The following HAUS7 variants were observed in gnomAD, a reference collection of about 807,000 sequenced individuals.
HAUS7 encodes the protein HAUS augmin-like complex subunit 7.
Under a neutral mutation model 28.4 loss-of-function variants are expected in HAUS7, and 3 were observed. That is an observed-to-expected ratio of 0.11 (90% CI 0.05 to 0.27). The LOEUF (loss-of-function observed/expected upper bound fraction) is 0.27, where lower values mean the gene tolerates loss of function less well. HAUS7 is among the 10% of genes least tolerant of loss of function. HAUS7 has a pLI of 1.00. For missense variants in HAUS7, 284 were observed against 297.3 expected, an observed-to-expected ratio of 0.96 and a Z score of 0.33; for synonymous variants, 165 against 132.1, an observed-to-expected ratio of 1.25 and a Z score of -1.71.
intron 5 of HAUS7, 78 bp from the exon 6 acceptor site, chrX:153,456,729 G>T: frequency 1.2e-6 from 1 of 814,375 alleles, no homozygotes; most frequent in Non-Finnish European, 1.8e-6. Context: ...CACAGGGAAG[G>T]CCCCAGAAGC....
At chrX:153,486,851 G>C in intron 1 of HAUS7, 6 of 951,977 alleles carry the variant, frequency 6.3e-6, no homozygotes, top group Non-Finnish European at 8.2e-6. Flanking sequence ...TCTGCTTCTC[G>C]AGGGGGTGGA....
intron 1 of HAUS7, among the ~76,000 whole-genome samples, chrX:153,483,825 C>A (rs782633707): frequency 8.9e-6 from 1 of 112,073 alleles, no homozygotes; most frequent in Non-Finnish European, 1.9e-5. Flanking sequence ...GTGCCACGGG[C>A]CTGGATGGAG....
At chrX:153,449,196 A>G (rs1214028557) in intron 9 of HAUS7, among the ~76,000 whole-genome samples, 10 of 111,991 alleles carry the variant, frequency 8.9e-5, no homozygotes, top group Non-Finnish European at 1.9e-4. Context: ...ACTGTCAGCT[A>G]GACTTTGCCT....
At chrX:153,457,916 G>A (rs2089336551) in intron 4 of HAUS7, among the ~76,000 whole-genome samples, 1 of 113,370 alleles carries the variant, frequency 8.8e-6, no homozygotes, top group South Asian at 3.5e-4. Flanking sequence ...CCCCAGCCAG[G>A]CCTACTTCTT....
chrX:153,479,577 C>T (rs2089585318), intron 1 of HAUS7, among the ~76,000 whole-genome samples: 1 of 112,334 alleles, frequency 8.9e-6, no homozygotes, highest in African/African-American at 3.2e-5. Context: ...TACAGTGAGG[C>T]TGAGAGCGGG....
At chrX:153,486,528 CT>C in intron 1 of HAUS7, 1 of 662,460 alleles carries the variant, frequency 1.5e-6, no homozygotes, top group East Asian at 8.4e-5. Flanking sequence ...CTCGGTCTTA[CT>C]GCTTCTCTCA....
intron 1 of HAUS7, chrX:153,481,290 G>A (rs1312912068): frequency 7.1e-6 from 5 of 703,482 alleles, no homozygotes; most frequent in Non-Finnish European, 8.1e-6. Flanking sequence ...TGGGAGCCTC[G>A]GGCAAGCCCC....
At chrX:153,449,971 AG>A (rs1222312827) in intron 9 of HAUS7, among the ~76,000 whole-genome samples, 8 of 112,141 alleles carry the variant, frequency 7.1e-5, no homozygotes, top group African/African-American at 2.6e-4. Context: ...GAGTGTATTC[AG>A]TGGTGTCGGA....
intron 1 of HAUS7, chrX:153,482,193 T>C (rs1428341657): frequency 2.1e-6 from 1 of 480,534 alleles, no homozygotes; most frequent in Non-Finnish European, 2.6e-6. Context: ...CTGGATTCAG[T>C]GGGAACTAGG....
chrX:153,471,036 G>T, upstream of HAUS7: 1 of 326,431 alleles, frequency 3.1e-6, no homozygotes, highest in South Asian at 2.6e-5. Flanking sequence ...CCACTAAGGG[G>T]CACCCTGGTT....
chrX:153,492,137 C>T (rs377007256), intron 1 of HAUS7, among the ~76,000 whole-genome samples: 1 of 113,064 alleles, frequency 8.8e-6, no homozygotes, highest in South Asian at 3.6e-4. Context: ...TTGCGCCCCC[C>T]GTGCCTGCCT....
chrX:153,490,846 C>A (rs782357105), intron 1 of HAUS7, among the ~76,000 whole-genome samples: 2 of 112,531 alleles, frequency 1.8e-5, no homozygotes, highest in South Asian at 7.4e-4. Context: ...CCCTGCCCCC[C>A]AGTCTTGTAC....
intron 9 of HAUS7, among the ~76,000 whole-genome samples, chrX:153,453,877 T>C (rs1047009168): frequency 6.5e-5 from 7 of 108,145 alleles, no homozygotes; most frequent in Non-Finnish European, 7.7e-5. Context: ...TGGAGTACTG[T>C]GGCGTGACCT....
chrX:153,455,446 G>T (rs782635127), intron 8 of HAUS7, 96 bp downstream of exon 8: 4 of 568,352 alleles, frequency 7.0e-6, no homozygotes, highest in Non-Finnish European at 1.2e-5. Flanking sequence ...CCTTGTCAGG[G>T]GCTGCTGAGG....
At position 153,477,920 on chromosome X, in the gene HAUS7, C is replaced by G. The variant is rs566853459; in HGVS notation, c.-588-6775G>C. On this transcript the variant is annotated intron_variant, in intron 1 of 5. Transcript: ENST00000370210. ...CCCAGTGAAGACCCAGTTGCCAGGC[C>G]TCCTCCCCACCTTGACCAGCCCTGC... is the stretch of plus-strand genomic sequence containing the variant. Among the ~76,000 whole-genome samples the G allele has an allele frequency of 1.8e-4, 20 of 112,194 alleles. No individual in the cohort carries two copies. In the South Asian group the frequency reaches 6.3e-3, roughly 35 times the overall value.
At chrX:153,448,019 T>G (rs35828792) in intron 9 of HAUS7, 110 bp from the exon 10 acceptor site, 3 of 597,387 alleles carry the variant, frequency 5.0e-6, no homozygotes, top group Admixed American at 4.9e-5. Flanking sequence ...GAAATACCAT[T>G]TGACCCAGCC....
upstream of HAUS7, among the ~76,000 whole-genome samples, chrX:153,475,276 G>A (rs936167167): frequency 2.1e-4 from 24 of 112,007 alleles, no homozygotes; most frequent in African/African-American, 7.8e-4. Context: ...GCTGGTCCCT[G>A]CTGCGTGCCA....
chrX:153,464,776 C>A (rs1300947252), intron 3 of HAUS7, among the ~76,000 whole-genome samples: 4 of 112,208 alleles, frequency 3.6e-5, no homozygotes, highest in Non-Finnish European at 5.6e-5. Context: ...CTGTCTCTGG[C>A]CACCAGCGCT....
intron 1 of HAUS7, among the ~76,000 whole-genome samples, chrX:153,469,472 C>T (rs964824060): frequency 1.8e-5 from 2 of 112,430 alleles, no homozygotes; most frequent in Non-Finnish European, 3.8e-5. Context: ...GGATTACAGG[C>T]ATGCGCCACC....
Sources: gnomAD v4.1 joint callset for allele counts (sites outside exome capture counted in the v4.1 genomes callset) on GRCh38, gnomAD v4.1.1 for gene constraint, MANE v1.5 for transcripts, NCBI Gene and HGNC (gene_info 2026-07-23, HGNC 2026-07-21) for gene names.